NF1: variants seen among roughly 807,000 people sequenced by gnomAD.
NF1 encodes neurofibromin.
Under a neutral mutation model 325.7 loss-of-function variants are expected in NF1, and 122 were observed. That is an observed-to-expected ratio of 0.37 (90% confidence interval 0.32 to 0.44). The LOEUF is 0.44. Ranked by LOEUF, NF1 falls within the 20% of genes least tolerant of loss-of-function variation. NF1 has a pLI of 1.00. For synonymous variants in NF1, 1,091 were observed against 1,186.0 expected, an observed-to-expected ratio of 0.92 and a Z score of 1.65; for missense variants, 2,140 against 3,415.4, an observed-to-expected ratio of 0.63 and a Z score of 9.31.
chr17:31,377,026 G>A lies in NF1; in HGVS notation c.*2871G>A, dbSNP rs181809520. ...AGCCAGCAACCCTCCCAGGTTTGTA[G>A]GTTTTAGGGGTTTTCAGTTTTGTTT... On this transcript the variant is annotated 3_prime_UTR_variant, in exon 58 of 58. Coordinates refer to ENST00000358273, the MANE Select transcript of NF1 (RefSeq NM_001042492.3). 1.3e-3 allele frequency: 298 copies of A among 233,428 alleles called. 2 individuals carry two copies. The highest frequency in any genetic ancestry group is 5.8e-3 in the African/African-American group (265 of 45,426). 14.5% of individuals were successfully genotyped at this position (233,428 alleles called of 1,614,324 possible). A position where few individuals can be genotyped will look rare whatever the true frequency, so the allele number is the denominator to read the frequency against.
intron 57 of NF1, among the ~76,000 whole-genome samples, chr17:31,367,863 G>A (rs1029077508): frequency 6.6e-6 from 1 of 151,878 alleles, no homozygotes; most frequent in East Asian, 1.9e-4. Context: ...GCTATTCACA[G>A]GACTGAGGTG....
At chr17:31,260,065 T>C (rs1228440388) in intron 33 of NF1, among the ~76,000 whole-genome samples, 1 of 152,200 alleles carries the variant, frequency 6.6e-6, no homozygotes, top group African/African-American at 2.4e-5. Flanking sequence ...GGGGAGGTCT[T>C]TCGTCTGGAC....
chr17:31,260,983 C>G (rs1316097321), intron 34 of NF1, among the ~76,000 whole-genome samples: 1 of 152,080 alleles, frequency 6.6e-6, no homozygotes, highest in Non-Finnish European at 1.5e-5. Context: ...TGGATTACAC[C>G]TATAATCTCA....
chr17:31,335,457 T>C (rs1185258880), intron 40 of NF1, among the ~76,000 whole-genome samples: 1 of 149,968 alleles, frequency 6.7e-6, no homozygotes, highest in Non-Finnish European at 1.5e-5. Context: ...GGACATCTGC[T>C]TTCATTTATA....
intron 38 of NF1, among the ~76,000 whole-genome samples, chr17:31,329,421 T>C (rs992851951): frequency 6.6e-6 from 1 of 152,206 alleles, no homozygotes; most frequent in African/African-American, 2.4e-5. Context: ...TAGGCAGACT[T>C]AAATTCCAGT....
chr17:31,111,764 G>A (rs1157000836), intron 1 of NF1, among the ~76,000 whole-genome samples: 1 of 152,122 alleles, frequency 6.6e-6, no homozygotes, highest in Non-Finnish European at 1.5e-5. Flanking sequence ...AAGTTTTTTA[G>A]GCAGAATGAA....
chr17:31,196,672 TGTTAA>T (rs1225436503), intron 8 of NF1, among the ~76,000 whole-genome samples: 4 of 152,186 alleles, frequency 2.6e-5, no homozygotes, highest in Non-Finnish European at 4.4e-5. Flanking sequence ...ATAGCTTTAC[TGTTAA>T]GTTTTGGTCT....
At chr17:31,109,917 G>C (rs1913256491) in intron 1 of NF1, among the ~76,000 whole-genome samples, 1 of 152,126 alleles carries the variant, frequency 6.6e-6, no homozygotes, top group South Asian at 2.1e-4. Context: ...TGTGTAGTGT[G>C]TATTTTTTCT....
At position 31,095,258 on chromosome 17, in the gene NF1, C is replaced by A; in HGVS notation, c.-52C>A. ...CTCCGCTCCCCGCCCTCTTCCCGGC[C>A]CAGGGCGCCGGCCCACCCTTCCCTC... is the stretch of plus-strand genomic sequence containing the variant. On this transcript the variant is annotated 5_prime_UTR_variant, in exon 1 of 58. Coordinates refer to ENST00000358273, the MANE Select transcript of NF1 (RefSeq NM_001042492.3). 6.6e-7 allele frequency: 1 copy of A among 1,513,172 alleles called. No individual in the cohort carries two copies. The highest frequency in any genetic ancestry group is 8.9e-7 in the Non-Finnish European group (1 of 1,127,494). 93.7% of individuals were successfully genotyped at this position (1,513,172 alleles called of 1,614,324 possible). A position where few individuals can be genotyped will look rare whatever the true frequency, so the allele number is the denominator to read the frequency against.
intron 8 of NF1, among the ~76,000 whole-genome samples, chr17:31,191,311 T>C (rs964761052): frequency 6.6e-6 from 1 of 152,160 alleles, no homozygotes; most frequent in South Asian, 2.1e-4. Flanking sequence ...CAAAGGCATA[T>C]ACCTTCACTC....
intron 12 of NF1, among the ~76,000 whole-genome samples, chr17:31,207,292 C>G (rs1322461625): frequency 4.6e-5 from 7 of 152,016 alleles, no homozygotes; most frequent in Admixed American, 4.6e-4. Context: ...GTCATTTCAA[C>G]TGAAAATATA....
At chr17:31,224,358 A>G (rs2066977226) in intron 16 of NF1, among the ~76,000 whole-genome samples, 2 of 152,298 alleles carry the variant, frequency 1.3e-5, no homozygotes, top group South Asian at 4.1e-4. Flanking sequence ...ATCTGGTACT[A>G]GAAGCATAGC....
intron 57 of NF1, among the ~76,000 whole-genome samples, chr17:31,373,138 G>C (rs1382249358): frequency 6.6e-6 from 1 of 152,144 alleles, no homozygotes; most frequent in Non-Finnish European, 1.5e-5. Flanking sequence ...CTGAAAAGAA[G>C]CAAAGATTCT....
intron 29 of NF1, among the ~76,000 whole-genome samples, chr17:31,238,348 C>T (rs1055984176): frequency 2.0e-5 from 3 of 152,162 alleles, no homozygotes; most frequent in East Asian, 1.9e-4. Flanking sequence ...GGTTTGCCCT[C>T]AGGAGAAATT....
intron 3 of NF1, among the ~76,000 whole-genome samples, chr17:31,161,265 G>T (rs534615521): frequency 1.3e-5 from 2 of 152,284 alleles, no homozygotes; most frequent in East Asian, 3.9e-4. Context: ...GTTAACATCT[G>T]TATTGTTTGG....
chr17:31,112,259 CTG>C (rs767526740), intron 1 of NF1, among the ~76,000 whole-genome samples: 26 of 152,098 alleles, frequency 1.7e-4, no homozygotes, highest in Non-Finnish European at 3.1e-4. Flanking sequence ...ATATACATGA[CTG>C]TCATTTCTCT....
chr17:31,304,725 A>G (rs1395743325), intron 36 of NF1: 2 of 1,613,948 alleles, frequency 1.2e-6, no homozygotes, highest in Non-Finnish European at 8.5e-7. Context: ...CAATGTTTTC[A>G]CTTGATTCAA....
rs540202768 is a variant in NF1, at chr17:31,267,182, C to T, written c.4835+1843C>T. Among the ~76,000 whole-genome samples, 7 of 152,186 alleles carry T rather than the reference C, an allele frequency of 4.6e-5. No homozygotes were observed. The East Asian group carries it at 5.8e-4, about 13-fold the overall frequency. ...CTGACCTCAGGTGATCTGCCTGCCT[C>T]GGCCTCCCAAAGTGCTGGGAATTAC... On this transcript the variant is annotated intron_variant, in intron 36 of 57. Coordinates refer to ENST00000358273, the MANE Select transcript of NF1 (RefSeq NM_001042492.3).
intron 57 of NF1, among the ~76,000 whole-genome samples, chr17:31,370,602 AG>A (rs2070616930): frequency 1.3e-5 from 2 of 152,318 alleles, no homozygotes; most frequent in African/African-American, 4.8e-5. Context: ...CCTTCACCCT[AG>A]TGACTTCATC....
Sources: gnomAD v4.1 joint callset for allele counts (sites outside exome capture counted in the v4.1 genomes callset) on GRCh38, gnomAD v4.1.1 for gene constraint, MANE v1.5 for transcripts, NCBI Gene and HGNC (gene_info 2026-07-23, HGNC 2026-07-21) for gene names.